Variants in MTCL1 observed in about 807,000 individuals in gnomAD.
The protein encoded by MTCL1 is microtubule cross-linking factor 1.
A neutral mutation model predicts 141.4 loss-of-function variants in MTCL1; 79 were observed. That is an observed-to-expected ratio of 0.56 (90% CI 0.47 to 0.67). The LOEUF is 0.67. MTCL1 is among the 30% of genes least tolerant of loss of function. MTCL1 has a pLI of 0.00. For missense variants in MTCL1, 2,177 were observed against 2,113.9 expected, an observed-to-expected ratio of 1.03 and a Z score of -0.59; for synonymous variants, 914 against 875.8, an observed-to-expected ratio of 1.04 and a Z score of -0.77.
upstream of MTCL1, among the ~76,000 whole-genome samples, chr18:8,717,167 C>A (rs2096134011): frequency 1.3e-5 from 2 of 152,196 alleles, no homozygotes; most frequent in Admixed American, 6.5e-5. Context: ...GACAAGCTTG[C>A]TCCCCTCTGA....
chr18:8,798,375 A>G (rs1816915197), intron 10 of MTCL1, 84 bp downstream of exon 9: 9 of 1,227,390 alleles, frequency 7.3e-6, no homozygotes, highest in Non-Finnish European at 9.6e-6. Flanking sequence ...TTTTGTTTCC[A>G]GTGTTGGCAT....
intron 4 of MTCL1, among the ~76,000 whole-genome samples, chr18:8,726,607 G>T (rs544520043): frequency 1.4e-4 from 21 of 151,996 alleles, no homozygotes; most frequent in Middle Eastern, 3.4e-3. Flanking sequence ...CCCATCATGG[G>T]GCCAAGGCCC....
chr18:8,724,280 G>A lies in MTCL1; in HGVS notation c.357+3784G>A, dbSNP rs144924522. ...CAAAAAATTAGCCAGGCGTGGTGGC[G>A]CACACCTGTAATCCCAGCTACTCGG... On this transcript the variant is annotated intron_variant, in intron 4 of 16. Transcript: ENST00000359865. 1.7e-3 allele frequency among the ~76,000 whole-genome samples: 252 copies of A among 151,988 alleles called. 1 individual carries two copies. The highest frequency in any genetic ancestry group is 5.7e-3 in the African/African-American group (236 of 41,448).
At chr18:8,730,707 G>A (rs1257116634) in intron 4 of MTCL1, among the ~76,000 whole-genome samples, 2 of 152,292 alleles carry the variant, frequency 1.3e-5, no homozygotes, top group East Asian at 1.9e-4. Context: ...GGCTCCGGGG[G>A]ACCTTTTAGG....
In MTCL1 at chr18:8,718,851, CT is replaced by C. The variant is rs1183124418; in HGVS notation, c.198+206del. 7.9e-5 allele frequency among the ~76,000 whole-genome samples: 12 copies of C among 152,014 alleles called. No homozygotes were observed. In the South Asian group the frequency reaches 1.7e-3, roughly 21 times the overall value. ...AGGTTTACATTTGTCATAATATGAACTTTAAAAAAATGATGATTATTTGTGA... is the reference window on the plus strand; with the variant it reads ...AGGTTTACATTTGTCATAATATGAACTTAAAAAAATGATGATTATTTGTGA... On this transcript the variant is annotated intron_variant, in intron 3 of 16. Coordinates refer to ENST00000359865, the Ensembl canonical transcript of MTCL1.
At position 8,779,543 on chromosome 18, in the gene MTCL1, C is replaced by CGT. The variant is rs948389785; in HGVS notation, c.417+1651_417+1652insGT. On this transcript the variant is annotated intron_variant, in intron 5 of 16. Coordinates refer to ENST00000359865, the Ensembl canonical transcript of MTCL1. The surrounding 1 kb of genome is among the most constrained non-coding windows in gnomAD (Gnocchi z 4.1). ...ATGAGAAGGAGTGGCTTCCCCTACTCAGAACAGGCCGAGCTCAGCTTCCCT... is the reference window on the plus strand; with the variant it reads ...ATGAGAAGGAGTGGCTTCCCCTACTCGTAGAACAGGCCGAGCTCAGCTTCCCT... Among the ~76,000 whole-genome samples the CGT allele has an allele frequency of 1.2e-4, 19 of 152,314 alleles. No homozygotes were observed. Among genetic ancestry groups the CGT allele is most frequent in the Non-Finnish European group, 2.1e-4 (14 of 68,028 alleles).
intron 4 of MTCL1, among the ~76,000 whole-genome samples, chr18:8,732,366 T>C (rs1489203084): frequency 6.6e-6 from 1 of 152,132 alleles, no homozygotes; most frequent in East Asian, 1.9e-4. Flanking sequence ...CCCACCTCAG[T>C]TTCCCAAAGT....
In MTCL1 at chr18:8,831,359, C is replaced by T. The variant is rs1348308957; in HGVS notation, c.*19-248C>T. The T allele has an allele frequency of 3.8e-6, 5 of 1,326,450 alleles. No individual in the cohort carries two copies. In the Admixed American group the frequency reaches 1.3e-4, roughly 35 times the overall value. 82.2% of individuals were successfully genotyped at this position (1,326,450 alleles called of 1,614,324 possible). A position where few individuals can be genotyped will look rare whatever the true frequency, so the allele number is the denominator to read the frequency against. On this transcript the variant is annotated intron_variant, in intron 16 of 16. Coordinates refer to ENST00000359865, the Ensembl canonical transcript of MTCL1. Reference sequence around the variant, plus strand: ...ATTCTAAAGGAGCTTTGCAAGCTGACTCATCTCACAGTATTGCTGTGTTTA... The same window carrying T: ...ATTCTAAAGGAGCTTTGCAAGCTGATTCATCTCACAGTATTGCTGTGTTTA...
chr18:8,825,884 C>A, exon 15 of MTCL1: 1 of 1,613,940 alleles, frequency 6.2e-7, no homozygotes, highest in Non-Finnish European at 8.5e-7. Flanking sequence ...TGGTGCAGGA[C>A]CCCTTCCAGA....
intron 4 of MTCL1, among the ~76,000 whole-genome samples, chr18:8,742,355 C>A (rs528182): frequency 2.0e-5 from 3 of 151,690 alleles, no homozygotes; most frequent in Non-Finnish European, 4.4e-5. Context: ...TAAAGACGCA[C>A]CTGAGACTGG....
exon 6 of MTCL1, chr18:8,783,705 G>A: frequency 6.2e-7 from 1 of 1,608,202 alleles, no homozygotes; most frequent in Admixed American, 1.7e-5. Flanking sequence ...GAAGCAGGCG[G>A]GCCCCCCAGC....
At chr18:8,799,128 C>T (rs550944115) in intron 10 of MTCL1, among the ~76,000 whole-genome samples, 6 of 152,320 alleles carry the variant, frequency 3.9e-5, no homozygotes, top group South Asian at 2.1e-4. Flanking sequence ...GTCATATGGG[C>T]GCGGCTCTAG....
At chr18:8,713,410 G>T (rs759121811), upstream of MTCL1, among the ~76,000 whole-genome samples, 12 of 152,160 alleles carry the variant, frequency 7.9e-5, no homozygotes, top group Non-Finnish European at 1.5e-4. Context: ...AATTACACCT[G>T]TCAGAAACAT....
chr18:8,753,331 G>T (rs975811270), intron 4 of MTCL1, among the ~76,000 whole-genome samples: 4 of 152,150 alleles, frequency 2.6e-5, no homozygotes, highest in African/African-American at 9.7e-5. Context: ...TTGAAATAAA[G>T]GTATTGACAG....
intron 4 of MTCL1, among the ~76,000 whole-genome samples, chr18:8,748,854 C>T (rs895639206): frequency 2.6e-5 from 4 of 151,842 alleles, no homozygotes; most frequent in Non-Finnish European, 5.9e-5. Flanking sequence ...TGACAGGGGA[C>T]CTTTGTATCT....
chr18:8,759,364 TC>T (rs1218748317), intron 4 of MTCL1, among the ~76,000 whole-genome samples: 3 of 152,230 alleles, frequency 2.0e-5, no homozygotes, highest in African/African-American at 7.2e-5. Context: ...TGAGCTGAGT[TC>T]AGGAGGAATT....
At chr18:8,760,201 C>G (rs1429762419) in intron 4 of MTCL1, among the ~76,000 whole-genome samples, 1 of 152,150 alleles carries the variant, frequency 6.6e-6, no homozygotes, top group Non-Finnish European at 1.5e-5. Context: ...TTGTAAGTCC[C>G]TTCTCCGAGA....
chr18:8,784,074 G>T, exon 6 of MTCL1: 1 of 1,613,424 alleles, frequency 6.2e-7, no homozygotes, highest in Non-Finnish European at 8.5e-7. Context: ...GGCTGGCTAG[G>T]AGAGGGTGCA....
At chr18:8,767,961 G>A (rs183102963) in intron 4 of MTCL1, among the ~76,000 whole-genome samples, 3 of 152,200 alleles carry the variant, frequency 2.0e-5, no homozygotes, top group Admixed American at 2.0e-4. Flanking sequence ...CATTTAAAAG[G>A]TGAATGTTTT....
Sources: allele counts gnomAD v4.1 joint callset (sites outside exome capture counted in the v4.1 genomes callset), GRCh38; gene constraint gnomAD v4.1.1; non-coding constraint Gnocchi (gnomAD v3.1); transcripts MANE v1.5; gene names NCBI Gene and HGNC (gene_info 2026-07-23, HGNC 2026-07-21).